Variants in GTPBP3 observed in about 807,000 individuals in gnomAD.
The protein encoded by GTPBP3 is 5-taurinomethyluridine-[tRNA] synthase subunit GTPB3, mitochondrial.
Under a neutral mutation model 42.0 loss-of-function variants are expected in GTPBP3, and 35 were observed. That is an observed-to-expected ratio of 0.83 (90% CI 0.64 to 1.10). The LOEUF is 1.10. Among genes scored for constraint, GTPBP3 ranks in the 50% least tolerant of loss-of-function variants. The probability of loss-of-function intolerance (pLI) is 0.00; values close to 1 mark genes in which losing one functional copy is unlikely to be tolerated. For missense variants in GTPBP3, 691 were observed against 685.2 expected (o/e 1.01, Z -0.09); for synonymous variants, 332 against 314.9 (o/e 1.05, Z -0.58).
upstream of GTPBP3, chr19:17,336,933 G>A (rs373839112): frequency 7.2e-5 from 11 of 152,358 alleles, no homozygotes; most frequent in Admixed American, 5.2e-4. Context: ...GCTAGGCCTT[G>A]AAGACGAGTT....
chr19:17,340,685 G>GTGCTCTGCCCCTCT (rs2074420602), intron 7 of GTPBP3, among the ~76,000 whole-genome samples: 1 of 139,324 alleles, frequency 7.2e-6, no homozygotes, highest in Non-Finnish European at 1.5e-5. Flanking sequence ...CCCCTGCACA[G>GTGCTCTGCCCCTCT]TGCTCTGCCC....
At chr19:17,338,920 G>A (rs368666036) in intron 4 of GTPBP3, 34 bp from the exon 5 acceptor site, 23 of 1,564,088 alleles carry the variant, frequency 1.5e-5, no homozygotes, top group East Asian at 4.5e-5. Flanking sequence ...GTTTCTGGGT[G>A]CACACACCAC....
At chr19:17,340,838 G>T in intron 7 of GTPBP3, 14 of 408,248 alleles carry the variant, frequency 3.4e-5, no homozygotes, top group Middle Eastern at 8.1e-4. Context: ...CCTGCACTGT[G>T]CCCCGCCCCT....
Position 17,338,890 on chromosome 19 carries a change from A to G in GTPBP3, c.592-64A>G, listed in dbSNP as rs45541332. Reference sequence around the variant, plus strand: ...CTGGCCCCTGAAGTCGGGCTGGACAAATTGGGTGTGGGAAGGTGGGTTTCT... The same window carrying G: ...CTGGCCCCTGAAGTCGGGCTGGACAGATTGGGTGTGGGAAGGTGGGTTTCT... On this transcript the variant is annotated intron_variant, in intron 4 of 8. Transcript: ENST00000324894. 150,807 of 1,547,030 alleles carry G rather than the reference A, an allele frequency of 0.097. 7,983 individuals are homozygous for G. The highest frequency in any genetic ancestry group is 0.11 in the Non-Finnish European group (126,050 of 1,143,950).
chr19:17,337,443 A>G (rs2074377565), upstream of GTPBP3: 33 of 1,226,478 alleles, frequency 2.7e-5, no homozygotes, highest in Non-Finnish European at 3.3e-5. Context: ...GCACCAGCCA[A>G]TGGAAGCGAG....
chr19:17,341,824 T>C lies in GTPBP3; in HGVS notation c.*121T>C. 2.3e-6 allele frequency: 2 copies of C among 853,568 alleles called. No homozygotes were observed. The highest frequency in any genetic ancestry group is 3.7e-5 in the South Asian group (2 of 53,910). 52.9% of individuals were successfully genotyped at this position (853,568 alleles called of 1,614,324 possible). A position where few individuals can be genotyped will look rare whatever the true frequency, so the allele number is the denominator to read the frequency against. On this transcript the variant is annotated 3_prime_UTR_variant, in exon 9 of 9. Transcript: ENST00000324894. ...GGGAAAGAACTTGATTCTCAAATAG[T>C]GAAGCAACACAGCTGAGAGGTAGTG... is the stretch of plus-strand genomic sequence containing the variant.
rs138207158 is a variant in GTPBP3 at position 17,340,528 on chromosome 19, G to T, written c.975-516G>T. On this transcript the variant is annotated intron_variant, in intron 7 of 8. Transcript: ENST00000324894. ...CCCCCTACATTCTGCCCCACCCCTG[G>T]TGCTCTCTACCCCTTACCCTGTGGT... Among the ~76,000 whole-genome samples the T allele has an allele frequency of 3.7e-3, 549 of 150,180 alleles. 3 individuals carry two copies. Among genetic ancestry groups the T allele is most frequent in the African/African-American group, 0.012 (481 of 40,682 alleles).
chr19:17,338,662 C>G lies in GTPBP3; in HGVS notation c.512C>G (p.Ala171Gly). The change falls in exon 4 of 9, where the codon GCG (alanine) becomes GGG (glycine). Residue 171 changes from alanine (A) to glycine (G), a missense_variant. Coordinates refer to ENST00000324894, the MANE Select transcript of GTPBP3 (RefSeq NM_032620.4). Reference protein sequence around the residue: ...LADLIHAETEAQRRQALRQLD... With the variant: ...LADLIHAETEGQRRQALRQLD... ...GACCTTATCCACGCGGAAACAGAGG[C>G]GCAGCGGCGGCAGGCCCTCAGGCAG... 2 of 1,613,786 alleles carry G rather than the reference C, an allele frequency of 1.2e-6. No individual in the cohort carries two copies. Among genetic ancestry groups the G allele is most frequent in the Non-Finnish European group, 1.7e-6 (2 of 1,179,920 alleles).
At chr19:17,340,852 G>C in intron 7 of GTPBP3, 192 bp from the exon 8 acceptor site, 6 of 201,982 alleles carry the variant, frequency 3.0e-5, no homozygotes, top group Non-Finnish European at 5.4e-5. Context: ...CGCCCCTCTT[G>C]CTCTGCCCCA....
intron 3 of GTPBP3, 34 bp from the exon 4 acceptor site, chr19:17,338,505 G>A (rs775823244): frequency 4.3e-6 from 7 of 1,612,918 alleles, no homozygotes; most frequent in Non-Finnish European, 5.9e-6. Context: ...CCTGGGTGGG[G>A]ACCAGGGGGT....
chr19:17,342,122 C>A lies in GTPBP3; in HGVS notation c.*419C>A, dbSNP rs1451863175. The A allele has an allele frequency of 6.5e-6, 1 of 153,058 alleles. No individual in the cohort carries two copies. The highest frequency in any genetic ancestry group is 1.4e-5 in the Non-Finnish European group (1 of 70,084). The allele number at this position is 153,058 out of a possible 1,614,324, so 9.5% of individuals were successfully genotyped here. A position where few individuals can be genotyped will look rare whatever the true frequency, so the allele number is the denominator to read the frequency against. Reference sequence around the variant, plus strand: ...TCCCCTTCCCCTTCCCCTTCCCCTACCCTTCCCTCCTCTGTCTATTGCCCA... The same window carrying A: ...TCCCCTTCCCCTTCCCCTTCCCCTAACCTTCCCTCCTCTGTCTATTGCCCA... On this transcript the variant is annotated 3_prime_UTR_variant, in exon 9 of 9. Coordinates refer to ENST00000324894, the MANE Select transcript of GTPBP3 (RefSeq NM_032620.4).
rs1205594280 is a variant in GTPBP3, at chr19:17,339,052, G to A, written c.664+26G>A. 12 of 1,614,056 alleles carry A rather than the reference G, an allele frequency of 7.4e-6. No individual in the cohort carries two copies. Among genetic ancestry groups the A allele is most frequent in the Non-Finnish European group, 1.0e-5 (12 of 1,180,002 alleles). On this transcript the variant is annotated intron_variant, in intron 5 of 8. Coordinates refer to ENST00000324894, the MANE Select transcript of GTPBP3 (RefSeq NM_032620.4). The stretch of plus-strand genomic sequence containing the variant: ...GTGGGTCTACCTGGTGGTGGGGGAG[G>A]AAGACACCTCATATCAGCCCTCAAA...
At chr19:17,339,624 A>AGGGGAAC (rs1009236240) in intron 7 of GTPBP3, 25 bp downstream of exon 7, 1 of 1,572,656 alleles carries the variant, frequency 6.4e-7, no homozygotes. Context: ...TGGTGATGGG[A>AGGGGAAC]GGGGAACGCG....
At position 17,339,020 on chromosome 19, in the gene GTPBP3, G is replaced by T; in HGVS notation, c.658G>T (p.Glu220Ter). ...TGACAACCTGGAGGAGGGGGTCCTG[G>T]AGCAAGGTGGGTCTACCTGGTGGTG... ...EDDNLEEGVL[E>*]QADIEVRALQ... Residue 220 changes from glutamate to a stop codon, truncating the protein, a stop_gained, in exon 5 of 9, where the codon GAG becomes TAG. Coordinates refer to ENST00000324894, the MANE Select transcript of GTPBP3 (RefSeq NM_032620.4). LOFTEE classifies it high-confidence loss of function. 6.2e-7 allele frequency: 1 copy of T among 1,614,160 alleles called. No homozygotes were observed. Among genetic ancestry groups the T allele is most frequent in the Non-Finnish European group, 8.5e-7 (1 of 1,179,982 alleles).
intron 7 of GTPBP3, 113 bp downstream of exon 7, chr19:17,339,712 C>A: frequency 1.0e-4 from 88 of 865,188 alleles, no homozygotes; most frequent in Non-Finnish European, 1.3e-4. Context: ...TAAGCCCTAT[C>A]AAGCATGGAT....
At chr19:17,339,998 C>T (rs558780503) in intron 7 of GTPBP3, among the ~76,000 whole-genome samples, 1 of 150,994 alleles carries the variant, frequency 6.6e-6, no homozygotes, top group East Asian at 1.9e-4. Context: ...CCTCGGCCTC[C>T]CAAAGTGTTG....
Position 17,338,633 on chromosome 19 carries a change from G to T in GTPBP3, c.483G>T (p.Leu161=). Residue 161 remains leucine (L), a synonymous_variant, in exon 4 of 9, where the codon CTG becomes CTT. Coordinates refer to ENST00000324894, the MANE Select transcript of GTPBP3 (RefSeq NM_032620.4). ...TGAACCTGACCGAAGTGGAGGGGCT[G>T]GCGGACCTTATCCACGCGGAAACAG... ...GKLNLTEVEG[L]ADLIHAETEA... 6.2e-7 allele frequency: 1 copy of T among 1,614,044 alleles called. No homozygotes were observed. Among genetic ancestry groups the T allele is most frequent in the Non-Finnish European group, 8.5e-7 (1 of 1,179,974 alleles).
chr19:17,335,121 G>A, upstream of GTPBP3: 1 of 1,536,038 alleles, frequency 6.5e-7, no homozygotes. Flanking sequence ...TGTGAGATGG[G>A]CGTAAGTTGA....
chr19:17,338,862 A>G (rs2074396867), intron 4 of GTPBP3, 92 bp from the exon 5 acceptor site: 1 of 1,537,588 alleles, frequency 6.5e-7, no homozygotes, highest in Admixed American at 1.9e-5. Context: ...ATGAGCCGCC[A>G]TTCTGGCCCC....
Sources: gnomAD v4.1 joint callset for allele counts (sites outside exome capture counted in the v4.1 genomes callset) on GRCh38, gnomAD v4.1.1 for gene constraint, MANE v1.5 for transcripts, NCBI Gene and HGNC (gene_info 2026-07-23, HGNC 2026-07-21) for gene names.